TSPAN4: variants seen among roughly 807,000 people sequenced by gnomAD.
TSPAN4 encodes tetraspanin-4.
In TSPAN4, 38 loss-of-function variants were observed where a neutral mutation model predicts 31.5. That is an observed-to-expected ratio of 1.21 (90% CI 0.93 to 1.58). TSPAN4 has a LOEUF of 1.58. TSPAN4 is among the 40% of genes most tolerant of loss of function. The pLI, the probability that TSPAN4 is intolerant of heterozygous loss-of-function variation, is 0.00. For missense variants in TSPAN4, 330 were observed against 317.3 expected, an observed-to-expected ratio of 1.04 and a Z score of -0.30; for synonymous variants, 186 against 144.6, an observed-to-expected ratio of 1.29 and a Z score of -2.06.
At chr11:843,833 C>T (rs960762247) in intron 1 of TSPAN4, 1 of 153,010 alleles carries the variant, frequency 6.5e-6, no homozygotes, top group Admixed American at 6.5e-5. Flanking sequence ...GTGTTGGGTT[C>T]CAGGCATCAG....
Position 848,205 on chromosome 11 carries a change from G to A in TSPAN4, c.-18+905G>A, listed in dbSNP as rs1847426897. 6.6e-6 allele frequency among the ~76,000 whole-genome samples: 1 copy of A among 152,146 alleles called. No homozygotes were observed. Among genetic ancestry groups the A allele is most frequent in the African/African-American group, 2.4e-5 (1 of 41,416 alleles). The stretch of plus-strand genomic sequence containing the variant: ...GCTGCGGGTGAGGGTTTCTGTCAGG[G>A]TTGGGGTCCCAGGGCTCCTGGGGTC... On this transcript the variant is annotated intron_variant, in intron 2 of 8. Transcript: ENST00000397397. The surrounding 1 kb of genome is among the most constrained non-coding windows in gnomAD (Gnocchi z 5.7).
chr11:854,967 G>A (rs573921905), intron 3 of TSPAN4, among the ~76,000 whole-genome samples: 33 of 152,346 alleles, frequency 2.2e-4, no homozygotes, highest in African/African-American at 7.2e-4. Flanking sequence ...AGGCCCTGAC[G>A]CTGGCAACCA....
chr11:848,719 G>T lies in TSPAN4; in HGVS notation c.-18+1419G>T. The T allele has an allele frequency of 1.9e-6, 1 of 521,382 alleles. No individual in the cohort carries two copies. Among genetic ancestry groups the T allele is most frequent in the Non-Finnish European group, 3.4e-6 (1 of 292,280 alleles). 32.3% of individuals were successfully genotyped at this position (521,382 alleles called of 1,614,324 possible). A position where few individuals can be genotyped will look rare whatever the true frequency, so the allele number is the denominator to read the frequency against. On this transcript the variant is annotated intron_variant, in intron 2 of 8. Coordinates refer to ENST00000397397, the MANE Select transcript of TSPAN4 (RefSeq NM_003271.5). This position sits in a 1 kb window ranked among gnomAD's most constrained non-coding sequence, Gnocchi z 5.7. ...GCCCTTCCTCATTCCCCACCTCTGG[G>T]CTTCAGGTCATCTGCCAGGAATCTG... is the stretch of plus-strand genomic sequence containing the variant.
intron 2 of TSPAN4, chr11:850,070 C>T (rs930657625): frequency 5.4e-5 from 21 of 385,870 alleles, no homozygotes; most frequent in East Asian, 3.6e-4. Flanking sequence ...ACCGGCGCAG[C>T]CCCTCTCCGG....
chr11:856,219 G>T (rs1848036773), intron 3 of TSPAN4, among the ~76,000 whole-genome samples: 1 of 152,222 alleles, frequency 6.6e-6, no homozygotes, highest in Non-Finnish European at 1.5e-5. Flanking sequence ...GGCCCTCCAA[G>T]CCTTTTGGGC....
chr11:861,778 G>A (rs1245839904), intron 3 of TSPAN4, among the ~76,000 whole-genome samples: 5 of 151,932 alleles, frequency 3.3e-5, no homozygotes, highest in Admixed American at 2.6e-4. Flanking sequence ...AATTAACCGG[G>A]TGTGGTGGGG....
intron 3 of TSPAN4, among the ~76,000 whole-genome samples, chr11:860,103 C>T (rs1848368934): frequency 6.6e-6 from 1 of 152,250 alleles, no homozygotes; most frequent in South Asian, 2.1e-4. Flanking sequence ...CGCTGGCAGC[C>T]TCCGGACAGC....
chr11:846,463 G>A (rs958566120), intron 1 of TSPAN4, among the ~76,000 whole-genome samples: 4 of 152,222 alleles, frequency 2.6e-5, no homozygotes, highest in African/African-American at 9.7e-5. Context: ...GCTACTGGAA[G>A]GACAGTTACC....
Position 865,942 on chromosome 11 carries a change from T to C in TSPAN4, c.589T>C (p.Trp197Arg). ...GCCGTGCTACGAGACGGTGAAGGTG[T>C]GGCTTCAGGAGAACCTGCTGGCTGT... ...KAPCYETVKV[W>R]LQENLLAVGI... Residue 197 changes from tryptophan (W) to arginine (R), a missense_variant, in exon 8 of 9, where the codon TGG becomes CGG. By Grantham distance (101) the Trp-to-Arg change is moderately radical (BLOSUM62 -3). Transcript: ENST00000397397. 6.2e-7 allele frequency: 1 copy of C among 1,612,916 alleles called. No individual in the cohort carries two copies. Among genetic ancestry groups the C allele is most frequent in the Non-Finnish European group, 8.5e-7 (1 of 1,179,984 alleles).
intron 3 of TSPAN4, among the ~76,000 whole-genome samples, chr11:859,329 ACCCCGGGCTC>A: frequency 3.0e-4 from 1 of 3,330 alleles, no homozygotes; most frequent in South Asian, 9.1e-3. Flanking sequence ...TTTCACACGC[ACCCCGGGCTC>A]ACACGCACCC....
intron 3 of TSPAN4, 65 bp downstream of exon 3, chr11:850,432 G>GGA: frequency 6.9e-7 from 1 of 1,444,698 alleles, no homozygotes; most frequent in Non-Finnish European, 9.5e-7. Context: ...GCGGGTCGCG[G>GGA]GGTCTGGGGA....
intron 3 of TSPAN4, among the ~76,000 whole-genome samples, chr11:854,110 T>C (rs1014467327): frequency 1.3e-5 from 2 of 152,206 alleles, no homozygotes; most frequent in African/African-American, 4.8e-5. Context: ...GGACGGGGCC[T>C]GCTCTTCCCG....
rs1004623025 is a variant in TSPAN4, at chr11:863,002, G to A, written c.255+261G>A. ...TACCTTGTCAGGGGCCTCCCCTGAC[G>A]GGACACTGGCCCTGGTGAGTGCAGG... On this transcript the variant is annotated intron_variant, in intron 4 of 8. Coordinates refer to ENST00000397397, the MANE Select transcript of TSPAN4 (RefSeq NM_003271.5). 3.0e-5 allele frequency: 14 copies of A among 461,958 alleles called. No homozygotes were observed. The South Asian group carries it at 3.9e-4, about 13-fold the overall frequency. The allele number at this position is 461,958 out of a possible 1,614,324, so 28.6% of individuals were successfully genotyped here.
chr11:845,574 G>A (rs1211615825), intron 1 of TSPAN4, among the ~76,000 whole-genome samples: 1 of 152,162 alleles, frequency 6.6e-6, no homozygotes, highest in East Asian at 1.9e-4. Flanking sequence ...AGGGGTCTAG[G>A]TTGCAGGGGC....
At chr11:850,146 G>A in intron 2 of TSPAN4, 142 bp from the exon 3 acceptor site, 1 of 615,208 alleles carries the variant, frequency 1.6e-6, no homozygotes, top group Admixed American at 3.2e-5. Flanking sequence ...ATACGGGCGC[G>A]CGGGCGGCGG....
Position 848,897 on chromosome 11 carries a change from A to G in TSPAN4, c.-17-1391A>G. 1 of 712,950 alleles carries G rather than the reference A, an allele frequency of 1.4e-6. No homozygotes were observed. The highest frequency in any genetic ancestry group is 2.6e-6 in the Non-Finnish European group (1 of 382,876). 44.2% of individuals were successfully genotyped at this position (712,950 alleles called of 1,614,324 possible). On this transcript the variant is annotated intron_variant, in intron 2 of 8. Transcript: ENST00000397397. The surrounding 1 kb of genome is among the most constrained non-coding windows in gnomAD (Gnocchi z 5.7). ...AGGTGTGTGCGCATCCGGCGTGATG[A>G]CACCCAGGAGTGCAGGCACATCTGC...
At chr11:857,863 C>G (rs926693899) in intron 3 of TSPAN4, 1 of 152,332 alleles carries the variant, frequency 6.6e-6, no homozygotes, top group Non-Finnish European at 1.5e-5. Flanking sequence ...TGGCCATCTC[C>G]TCTCCTGGGG....
chr11:864,701 C>G (rs566242944), intron 5 of TSPAN4, 190 bp downstream of exon 5: 1 of 684,082 alleles, frequency 1.5e-6, no homozygotes, highest in Admixed American at 2.6e-5. Flanking sequence ...TGCTGTGGCT[C>G]TATAGCGACT....
intron 3 of TSPAN4, among the ~76,000 whole-genome samples, chr11:852,892 C>T (rs1230818485): frequency 4.6e-5 from 2 of 43,248 alleles, no homozygotes; most frequent in East Asian, 1.3e-3. Flanking sequence ...CCGCGTGTGT[C>T]TGTCCTGACC....
Sources: gnomAD v4.1 joint callset for allele counts (sites outside exome capture counted in the v4.1 genomes callset) on GRCh38, gnomAD v4.1.1 for gene constraint, Gnocchi (gnomAD v3.1) non-coding constraint, MANE v1.5 for transcripts, NCBI Gene and HGNC (gene_info 2026-07-23, HGNC 2026-07-21) for gene names.